The following FRMD3 variants were observed in gnomAD, a reference collection of about 807,000 sequenced individuals.
FRMD3 encodes FERM domain-containing protein 3.
A neutral mutation model predicts 70.2 loss-of-function variants in FRMD3; 33 were observed. The observed-to-expected ratio is 0.47, with a 90% CI of 0.36 to 0.63. The LOEUF is 0.63. FRMD3 is among the 20% of genes least tolerant of loss of function. The pLI is 0.00. For synonymous variants in FRMD3, 279 were observed against 255.9 expected (o/e 1.09, Z -0.86); for missense variants, 632 against 711.4 (o/e 0.89, Z 1.27).
At chr9:83,365,499 A>T (rs1824757000) in intron 3 of FRMD3, among the ~76,000 whole-genome samples, 1 of 152,150 alleles carries the variant, frequency 6.6e-6, no homozygotes, top group South Asian at 2.1e-4. Context: ...GTTTTAGGAT[A>T]TTAATCTCGT....
At chr9:83,378,901 A>G (rs1464235836) in intron 2 of FRMD3, among the ~76,000 whole-genome samples, 2 of 144,192 alleles carry the variant, frequency 1.4e-5, no homozygotes, top group African/African-American at 5.2e-5. Context: ...AAATATATAT[A>G]TATTTTAGTA....
intron 1 of FRMD3, among the ~76,000 whole-genome samples, chr9:83,417,431 C>T (rs900382567): frequency 9.2e-5 from 14 of 152,122 alleles, no homozygotes; most frequent in African/African-American, 3.4e-4. Context: ...CTATCACAAC[C>T]CTCTAAATTA....
At chr9:83,429,715 C>T (rs551018748) in intron 1 of FRMD3, among the ~76,000 whole-genome samples, 21 of 152,268 alleles carry the variant, frequency 1.4e-4, no homozygotes, top group African/African-American at 3.1e-4. Flanking sequence ...TATTAGTCTT[C>T]TCCTTCTTAA....
At chr9:83,571,641 A>G in the FRMD3 span, among the ~76,000 whole-genome samples, 2 of 152,220 alleles carry the variant, frequency 1.3e-5, no homozygotes, top group Non-Finnish European at 2.9e-5. Flanking sequence ...CAGAAATTAT[A>G]TATTCAGCTA....
At chr9:83,345,400 A>G (rs1823921915) in intron 4 of FRMD3, among the ~76,000 whole-genome samples, 1 of 152,098 alleles carries the variant, frequency 6.6e-6, no homozygotes, top group Admixed American at 6.5e-5. Flanking sequence ...TTACTTGAAG[A>G]GTTTGTTAAA....
intron 1 of FRMD3, among the ~76,000 whole-genome samples, chr9:83,494,858 T>TGTGTGC (rs781680772): frequency 2.0e-3 from 293 of 148,828 alleles, no homozygotes; most frequent in African/African-American, 5.8e-3. Context: ...TGTGTGTGTG[T>TGTGTGC]GCGCGCGCGC....
chr9:83,546,728 A>G, the FRMD3 span, among the ~76,000 whole-genome samples: 179 of 152,092 alleles, frequency 1.2e-3, no homozygotes, highest in African/African-American at 4.2e-3. Context: ...CCCCGTCTCT[A>G]CTAAAAATAC....
intron 1 of FRMD3, among the ~76,000 whole-genome samples, chr9:83,482,267 T>G (rs556944678): frequency 6.6e-6 from 1 of 152,314 alleles, no homozygotes; most frequent in Non-Finnish European, 1.5e-5. Flanking sequence ...CCAGATGATT[T>G]CGACAAAAAA....
At chr9:83,494,833 A>ATGTGTGTGTGTGTGTGTGTG (rs377201441) in intron 1 of FRMD3, among the ~76,000 whole-genome samples, 70 of 149,422 alleles carry the variant, frequency 4.7e-4, no homozygotes, top group African/African-American at 1.7e-3. Context: ...CTGTGCATTT[A>ATGTGTGTGTGTGTGTGTGTG]TGTGTGTGTG....
At chr9:83,252,680 C>G (rs1325265048) in intron 13 of FRMD3, among the ~76,000 whole-genome samples, 1 of 152,010 alleles carries the variant, frequency 6.6e-6, no homozygotes, top group African/African-American at 2.4e-5. Flanking sequence ...GAAAATGTAC[C>G]AAGCAAATGG....
At chr9:83,545,346 G>GTTGT in the FRMD3 span, among the ~76,000 whole-genome samples, 7 of 117,334 alleles carry the variant, frequency 6.0e-5, no homozygotes, top group African/African-American at 2.1e-4. Context: ...GAAAAGTGTT[G>GTTGT]TTTTTTTTTG....
chr9:83,462,827 AC>A (rs1358769419), intron 1 of FRMD3, among the ~76,000 whole-genome samples: 2 of 152,324 alleles, frequency 1.3e-5, no homozygotes, highest in African/African-American at 4.8e-5. Context: ...CTGTCCTGGC[AC>A]ACCTATGTTT....
intron 1 of FRMD3, among the ~76,000 whole-genome samples, chr9:83,475,743 T>C (rs1279426330): frequency 6.6e-6 from 1 of 152,192 alleles, no homozygotes; most frequent in African/African-American, 2.4e-5. Context: ...AAGAACATGA[T>C]GTTTTCTGAA....
the FRMD3 span, among the ~76,000 whole-genome samples, chr9:83,549,292 T>C: frequency 6.6e-6 from 1 of 152,352 alleles, no homozygotes; most frequent in South Asian, 2.1e-4. Flanking sequence ...TATTGTTCTT[T>C]TTTATGACTG....
intron 13 of FRMD3, among the ~76,000 whole-genome samples, chr9:83,277,942 AG>A (rs2118878184): frequency 6.6e-6 from 1 of 152,308 alleles, no homozygotes; most frequent in Admixed American, 6.5e-5. Flanking sequence ...TGTTTTAGTT[AG>A]GGAAGGCAGT....
rs546940397 is a variant in FRMD3 at position 83,245,147 on chromosome 9, G to A, written c.*2771C>T. 3 of 985,198 alleles carry A rather than the reference G, an allele frequency of 3.0e-6. No individual in the cohort carries two copies. Among genetic ancestry groups the A allele is most frequent in the East Asian group, 2.3e-4 (2 of 8,818 alleles). The allele number at this position is 985,198 out of a possible 1,614,324, so 61.0% of individuals were successfully genotyped here. A position where few individuals can be genotyped will look rare whatever the true frequency, so the allele number is the denominator to read the frequency against. ...GGGCAAAATAAGCACAATTATGCAT[G>A]AGGGGCATATATGTTGTGTCTATTC... On this transcript the variant is annotated 3_prime_UTR_variant, in exon 14 of 14. Transcript: ENST00000304195.
intron 1 of FRMD3, among the ~76,000 whole-genome samples, chr9:83,431,665 G>A (rs976378116): frequency 2.6e-5 from 4 of 152,184 alleles, no homozygotes; most frequent in African/African-American, 9.6e-5. Context: ...GGTGTCAAAA[G>A]TGTCACTTGT....
chr9:83,259,379 C>T (rs1832880400), intron 13 of FRMD3, among the ~76,000 whole-genome samples: 1 of 152,120 alleles, frequency 6.6e-6, no homozygotes, highest in African/African-American at 2.4e-5. Context: ...ACATCATCAT[C>T]AGGGATGCTA....
At chr9:83,461,392 C>G (rs2131438637) in intron 1 of FRMD3, among the ~76,000 whole-genome samples, 1 of 151,830 alleles carries the variant, frequency 6.6e-6, no homozygotes, top group South Asian at 2.1e-4. Flanking sequence ...CTGAGACCCA[C>G]TAAGTTTCAA....
Sources: allele counts gnomAD v4.1 joint callset (sites outside exome capture counted in the v4.1 genomes callset), GRCh38; gene constraint gnomAD v4.1.1; transcripts MANE v1.5; gene names NCBI Gene and HGNC (gene_info 2026-07-23, HGNC 2026-07-21).